The following ATP6V1C1 variants were observed in gnomAD, a reference collection of about 807,000 sequenced individuals.
ATP6V1C1 encodes V-type proton ATPase subunit C 1.
Under a neutral mutation model 53.9 loss-of-function variants are expected in ATP6V1C1, and 45 were observed. That is an observed-to-expected ratio of 0.83 (90% CI 0.66 to 1.07). The LOEUF (loss-of-function observed/expected upper bound fraction) is 1.07. Ranked by LOEUF, ATP6V1C1 falls within the 50% of genes least tolerant of loss-of-function variation. The pLI, the probability that ATP6V1C1 is intolerant of heterozygous loss-of-function variation, is 0.00. For synonymous variants in ATP6V1C1, 153 were observed against 155.2 expected, an observed-to-expected ratio of 0.99 and a Z score of 0.11; for missense variants, 315 against 440.3, an observed-to-expected ratio of 0.72 and a Z score of 2.55.
intron 5 of ATP6V1C1, among the ~76,000 whole-genome samples, chr8:103,052,161 C>T (rs895225724): frequency 6.6e-6 from 1 of 151,944 alleles, no homozygotes; most frequent in Non-Finnish European, 1.5e-5. Context: ...GACTTACCCT[C>T]GTGCTACACA....
At chr8:103,062,932 A>G (rs748945656) in intron 8 of ATP6V1C1, 23 bp from the exon 9 acceptor site, 1 of 1,601,466 alleles carries the variant, frequency 6.2e-7, no homozygotes, top group Non-Finnish European at 8.5e-7. Context: ...AAATCTTTAA[A>G]TGGACTTTTT....
Position 103,069,545 on chromosome 8 carries a change from A to G in ATP6V1C1, c.*798A>G, listed in dbSNP as rs1488306969. 1.3e-5 allele frequency: 2 copies of G among 152,252 alleles called. No homozygotes were observed. Among genetic ancestry groups the G allele is most frequent in the Non-Finnish European group, 2.9e-5 (2 of 68,040 alleles). The allele number at this position is 152,252 out of a possible 1,614,324, so 9.4% of individuals were successfully genotyped here. A position where few individuals can be genotyped will look rare whatever the true frequency, so the allele number is the denominator to read the frequency against. ...TAATTAAGAATAGAGCCAGTTTTGA[A>G]TAAAGTCTAGCAGAACTATGCAGCT... On this transcript the variant is annotated 3_prime_UTR_variant, in exon 13 of 13. Transcript: ENST00000518738.
chr8:103,060,968 T>C (rs1424608396), intron 8 of ATP6V1C1, among the ~76,000 whole-genome samples: 2 of 152,242 alleles, frequency 1.3e-5, no homozygotes, highest in Non-Finnish European at 2.9e-5. Flanking sequence ...TTTAAAAGAT[T>C]ACTATGATAA....
At chr8:103,044,970 A>G (rs568683389) in intron 3 of ATP6V1C1, among the ~76,000 whole-genome samples, 3 of 152,156 alleles carry the variant, frequency 2.0e-5, no homozygotes, top group Non-Finnish European at 4.4e-5. Context: ...GTACATGTGT[A>G]TTTGAGCTGA....
intron 2 of ATP6V1C1, 125 bp from the exon 3 acceptor site, chr8:103,042,215 T>C: frequency 1.1e-6 from 1 of 900,574 alleles, no homozygotes; most frequent in Non-Finnish European, 1.7e-6. Flanking sequence ...TTAACTGTAC[T>C]TACACATTAT....
intron 8 of ATP6V1C1, among the ~76,000 whole-genome samples, chr8:103,062,161 GTTTTTTTTTTTTTTTT>G (rs767825523): frequency 1.4e-5 from 1 of 70,744 alleles, no homozygotes; most frequent in Non-Finnish European, 2.6e-5. Context: ...GTTCATCAGG[GTTTTTTTTTTTTTTTT>G]TTTTTTTTTT....
chr8:103,038,113 G>C (rs2131387132), intron 1 of ATP6V1C1, among the ~76,000 whole-genome samples: 1 of 152,276 alleles, frequency 6.6e-6, no homozygotes, highest in East Asian at 1.9e-4. Flanking sequence ...TCTGTGAGTT[G>C]CTGGGGTAGT....
chr8:103,067,598 CTTTTT>C, intron 12 of ATP6V1C1, among the ~76,000 whole-genome samples: 1 of 114,962 alleles, frequency 8.7e-6, no homozygotes, highest in South Asian at 2.9e-4. Context: ...TTTTCTTTTT[CTTTTT>C]TTTTTTTTTT....
chr8:103,058,483 A>G lies in ATP6V1C1; in HGVS notation c.641+2547A>G, dbSNP rs117114119. On this transcript the variant is annotated intron_variant, in intron 8 of 12. Transcript: ENST00000518738. The stretch of plus-strand genomic sequence containing the variant: ...TGGAATATTGTCTGCCATTTAGGAA[A>G]GATCTCTATGACCTGATGCTGAATT... Among the ~76,000 whole-genome samples the G allele has an allele frequency of 3.4e-3, 516 of 152,344 alleles. 5 individuals are homozygous for G. The highest frequency in any genetic ancestry group is 0.013 in the South Asian group (63 of 4,824).
At position 103,039,371 on chromosome 8, in the gene ATP6V1C1, T is replaced by C. The variant is rs114383447; in HGVS notation, c.-39-1427T>C. On this transcript the variant is annotated intron_variant, in intron 1 of 12. Coordinates refer to ENST00000518738, the MANE Select transcript of ATP6V1C1 (RefSeq NM_001695.5). Reference sequence around the variant, plus strand: ...CCTACTCATAGGTACTTTAAGTAGGTACTTTAATTAAATTTTAGGACTACT... The same window carrying C: ...CCTACTCATAGGTACTTTAAGTAGGCACTTTAATTAAATTTTAGGACTACT... Among the ~76,000 whole-genome samples the C allele has an allele frequency of 7.4e-3, 1,120 of 152,342 alleles. 19 individuals carry two copies. The highest frequency in any genetic ancestry group is 0.026 in the African/African-American group (1,077 of 41,576).
At chr8:103,048,427 C>T (rs1341252705) in intron 3 of ATP6V1C1, among the ~76,000 whole-genome samples, 1 of 152,194 alleles carries the variant, frequency 6.6e-6, no homozygotes, top group Non-Finnish European at 1.5e-5. Flanking sequence ...CTATTGCTTA[C>T]GTTCTCTTGC....
chr8:103,043,861 T>G (rs140144779), intron 3 of ATP6V1C1, among the ~76,000 whole-genome samples: 1 of 152,190 alleles, frequency 6.6e-6, no homozygotes, highest in Non-Finnish European at 1.5e-5. Flanking sequence ...CTTGCAAATA[T>G]TTTCTCCTGT....
At position 103,072,797 on chromosome 8, in the gene ATP6V1C1, G is replaced by C. The variant is rs1817607701; in HGVS notation, c.*4050G>C. 6.6e-6 allele frequency: 1 copy of C among 152,254 alleles called. No individual in the cohort carries two copies. The highest frequency in any genetic ancestry group is 1.5e-5 in the Non-Finnish European group (1 of 68,050). The allele number at this position is 152,254 out of a possible 1,614,324, so 9.4% of individuals were successfully genotyped here. A position where few individuals can be genotyped will look rare whatever the true frequency, so the allele number is the denominator to read the frequency against. ...AACAGAGTAAAGCCATGGAAGCCAT[G>C]AACAGTAAGAGACTGCCGCCTGGCA... On this transcript the variant is annotated 3_prime_UTR_variant, in exon 13 of 13. Transcript: ENST00000518738.
rs2131408612 is a variant in ATP6V1C1, at chr8:103,070,430, G to T, written c.*1683G>T. 6.6e-6 allele frequency: 1 copy of T among 152,336 alleles called. No homozygotes were observed. Among genetic ancestry groups the T allele is most frequent in the South Asian group, 2.1e-4 (1 of 4,822 alleles). The allele number at this position is 152,336 out of a possible 1,614,324, so 9.4% of individuals were successfully genotyped here. ...ATTCTAAACTAAAGACATGTTTGGA[G>T]TGTGGATTTATCTTCAGTTTTTCTT... On this transcript the variant is annotated 3_prime_UTR_variant, in exon 13 of 13. Coordinates refer to ENST00000518738, the MANE Select transcript of ATP6V1C1 (RefSeq NM_001695.5).
At chr8:103,042,915 C>T (rs771876102) in intron 3 of ATP6V1C1, among the ~76,000 whole-genome samples, 4 of 152,146 alleles carry the variant, frequency 2.6e-5, no homozygotes, top group Non-Finnish European at 5.9e-5. Context: ...CCAGCAGTTG[C>T]ATGTATCAGT....
Position 103,039,603 on chromosome 8 carries a change from G to A in ATP6V1C1, c.-39-1195G>A, listed in dbSNP as rs149810404. Among the ~76,000 whole-genome samples, 420 of 152,212 alleles carry A rather than the reference G, an allele frequency of 2.8e-3. 4 individuals carry two copies. The highest frequency in any genetic ancestry group is 0.013 in the South Asian group (63 of 4,824). Reference sequence around the variant, plus strand: ...GAAAGCTTATGTTGGTTCTCATGAAGGCAGATTAAAATGGAAATAATGATA... The same window carrying A: ...GAAAGCTTATGTTGGTTCTCATGAAAGCAGATTAAAATGGAAATAATGATA... On this transcript the variant is annotated intron_variant, in intron 1 of 12. Transcript: ENST00000518738.
At chr8:103,039,481 C>G (rs1187223765) in intron 1 of ATP6V1C1, among the ~76,000 whole-genome samples, 1 of 152,076 alleles carries the variant, frequency 6.6e-6, no homozygotes, top group Non-Finnish European at 1.5e-5. Context: ...CATTAATTAT[C>G]TGATTTTGTT....
chr8:103,058,830 T>G (rs1230599029), intron 8 of ATP6V1C1, among the ~76,000 whole-genome samples: 1 of 152,218 alleles, frequency 6.6e-6, no homozygotes, highest in Non-Finnish European at 1.5e-5. Context: ...ATACTACCAT[T>G]GCTGTGAGGC....
chr8:103,030,865 G>C (rs757378015), intron 1 of ATP6V1C1, among the ~76,000 whole-genome samples: 13 of 152,184 alleles, frequency 8.5e-5, no homozygotes, highest in Non-Finnish European at 1.6e-4. Flanking sequence ...TTTGAATTCT[G>C]ACCAGATATG....
Sources: gnomAD v4.1 joint callset for allele counts (sites outside exome capture counted in the v4.1 genomes callset) on GRCh38, gnomAD v4.1.1 for gene constraint, MANE v1.5 for transcripts, NCBI Gene and HGNC (gene_info 2026-07-23, HGNC 2026-07-21) for gene names.